PLXNA4: variants seen among roughly 807,000 people sequenced by gnomAD.
The protein encoded by PLXNA4 is plexin-A4.
Under a neutral mutation model 191.8 loss-of-function variants are expected in PLXNA4, and 44 were observed. That is an observed-to-expected ratio of 0.23 (90% CI 0.18 to 0.29). The LOEUF is 0.29. PLXNA4 is among the 10% of genes least tolerant of loss of function. PLXNA4 has a pLI of 1.00. For missense variants in PLXNA4, 1,800 were observed against 2,488.8 expected (o/e 0.72, Z 5.89); for synonymous variants, 1,082 against 1,009.5 (o/e 1.07, Z -1.36).
rs115676611 is a variant in PLXNA4 at position 132,277,289 on chromosome 7, G to A, written c.1503+20802C>T. Among the ~76,000 whole-genome samples the A allele has an allele frequency of 5.8e-3, 888 of 152,266 alleles. 7 individuals are homozygous for A. The highest frequency in any genetic ancestry group is 0.02 in the African/African-American group (851 of 41,546). Reference sequence around the variant, plus strand: ...ATTTTTTTTAACTGGTGAAGAAAGGGTCATTTCATGTAAGTTCCTCCCACC... The same window carrying A: ...ATTTTTTTTAACTGGTGAAGAAAGGATCATTTCATGTAAGTTCCTCCCACC... On this transcript the variant is annotated intron_variant, in intron 4 of 31. Transcript: ENST00000321063.
chr7:132,140,343 C>T (rs568090634), intron 30 of PLXNA4, among the ~76,000 whole-genome samples: 86 of 152,310 alleles, frequency 5.6e-4, no homozygotes, highest in Non-Finnish European at 2.8e-4. Flanking sequence ...GAAGACATTT[C>T]AGCCACTAGG....
chr7:132,617,029 G>A (rs1489496627), intron 2 of PLXNA4, among the ~76,000 whole-genome samples: 2 of 152,210 alleles, frequency 1.3e-5, no homozygotes, highest in Admixed American at 6.5e-5. Flanking sequence ...TTGGATGGTA[G>A]AGTCATAAGA....
At chr7:132,231,706 T>C (rs1280176457) in intron 5 of PLXNA4, among the ~76,000 whole-genome samples, 4 of 152,238 alleles carry the variant, frequency 2.6e-5, no homozygotes, top group Non-Finnish European at 5.9e-5. Context: ...ATTACAGGCG[T>C]GAGCCACCAT....
intron 24 of PLXNA4, among the ~76,000 whole-genome samples, chr7:132,163,317 T>C (rs1415894718): frequency 3.3e-5 from 5 of 152,240 alleles, no homozygotes; most frequent in Non-Finnish European, 5.9e-5. Context: ...TGCATGAGTA[T>C]GACGCGGGCT....
intron 3 of PLXNA4, among the ~76,000 whole-genome samples, chr7:132,341,511 A>G (rs1803027281): frequency 6.6e-6 from 1 of 152,184 alleles, no homozygotes; most frequent in Non-Finnish European, 1.5e-5. Context: ...AATGGCCCCA[A>G]CCAATGTTTC....
chr7:132,445,393 G>A (rs985921027), intron 3 of PLXNA4, among the ~76,000 whole-genome samples: 10 of 151,040 alleles, frequency 6.6e-5, no homozygotes, highest in African/African-American at 1.2e-4. Flanking sequence ...CCGAGTGAGC[G>A]CCCCTGCCTT....
chr7:132,289,015 A>G (rs1338274805), intron 4 of PLXNA4, among the ~76,000 whole-genome samples: 2 of 152,174 alleles, frequency 1.3e-5, no homozygotes, highest in Non-Finnish European at 2.9e-5. Flanking sequence ...TAGGGGTCCC[A>G]AGCCTCAAGC....
upstream of PLXNA4, among the ~76,000 whole-genome samples, chr7:132,581,705 G>A (rs1802405840): frequency 2.0e-5 from 3 of 151,974 alleles, no homozygotes; most frequent in South Asian, 6.2e-4. Context: ...TGGTGTTTAG[G>A]TGGGGAGGAC....
At chr7:132,481,201 GA>G (rs1402608617) in intron 3 of PLXNA4, among the ~76,000 whole-genome samples, 1 of 152,094 alleles carries the variant, frequency 6.6e-6, no homozygotes, top group African/African-American at 2.4e-5. Context: ...ATGGATTAAA[GA>G]GGGGAAAATC....
intron 28 of PLXNA4, 91 bp from the exon 29 acceptor site, chr7:132,145,379 G>A (rs1262637923): frequency 2.6e-6 from 4 of 1,567,290 alleles, no homozygotes; most frequent in East Asian, 4.6e-5. Flanking sequence ...AGGCAGGGGA[G>A]GATGGTATAC....
At chr7:132,551,648 C>T (rs1800566353) in intron 1 of PLXNA4, among the ~76,000 whole-genome samples, 1 of 152,082 alleles carries the variant, frequency 6.6e-6, no homozygotes, top group Admixed American at 6.5e-5. Flanking sequence ...CTCTAGTTTC[C>T]CCACCCCAAT....
intron 3 of PLXNA4, among the ~76,000 whole-genome samples, chr7:132,305,094 AG>A (rs1029018684): frequency 3.3e-5 from 5 of 152,224 alleles, no homozygotes; most frequent in South Asian, 4.1e-4. Flanking sequence ...TTGCTGTGGG[AG>A]GGGATTCTTG....
intron 2 of PLXNA4, among the ~76,000 whole-genome samples, chr7:132,630,059 C>T (rs1393623604): frequency 1.3e-5 from 2 of 152,144 alleles, no homozygotes; most frequent in Non-Finnish European, 2.9e-5. Flanking sequence ...ACTGTGTTAG[C>T]CAGGATGGTC....
At chr7:132,503,011 C>G (rs977378089) in intron 2 of PLXNA4, among the ~76,000 whole-genome samples, 4 of 152,190 alleles carry the variant, frequency 2.6e-5, no homozygotes, top group Non-Finnish European at 5.9e-5. Flanking sequence ...GATTGAGAAG[C>G]TGATTTCTGC....
chr7:132,367,492 G>C (rs890344644), intron 3 of PLXNA4, among the ~76,000 whole-genome samples: 10 of 152,022 alleles, frequency 6.6e-5, no homozygotes, highest in African/African-American at 1.9e-4. Flanking sequence ...AGAAGAAAGG[G>C]GGGGTGAAGG....
chr7:132,490,808 C>G (rs1563130066), intron 2 of PLXNA4, among the ~76,000 whole-genome samples: 1 of 152,264 alleles, frequency 6.6e-6, no homozygotes, highest in East Asian at 1.9e-4. Flanking sequence ...CTGACCCTGA[C>G]TCGCTTGCTC....
chr7:132,170,571 C>T (rs1302559649), intron 21 of PLXNA4, among the ~76,000 whole-genome samples: 1 of 152,224 alleles, frequency 6.6e-6, no homozygotes. Context: ...CATTCATGAT[C>T]CTCATTACCA....
In PLXNA4 at chr7:132,291,225, T is replaced by C. The variant is rs538283295; in HGVS notation, c.1503+6866A>G. ...TGGACCACTTCTCCCCAGACGGTCC[T>C]CTCGCACCACTTCACTCTCTTCTGC... On this transcript the variant is annotated intron_variant, in intron 4 of 31. Transcript: ENST00000321063. Among the ~76,000 whole-genome samples, 20 of 152,250 alleles carry C rather than the reference T, an allele frequency of 1.3e-4. No individual in the cohort carries two copies. In the East Asian group the frequency reaches 2.5e-3, roughly 19 times the overall value.
At chr7:132,197,282 C>T (rs979527243) in intron 13 of PLXNA4, among the ~76,000 whole-genome samples, 2 of 152,096 alleles carry the variant, frequency 1.3e-5, no homozygotes, top group Admixed American at 6.5e-5. Context: ...AGGGAGTTAA[C>T]CAGCATCAAT....
Sources: allele counts gnomAD v4.1 joint callset (sites outside exome capture counted in the v4.1 genomes callset), GRCh38; gene constraint gnomAD v4.1.1; transcripts MANE v1.5; gene names NCBI Gene and HGNC (gene_info 2026-07-23, HGNC 2026-07-21).